NUDCD2: variants seen among roughly 807,000 people sequenced by gnomAD.
NUDCD2 encodes the protein NudC domain containing 2.
NUDCD2 carries 16 observed loss-of-function variants against 20.8 expected under a neutral mutation model. The ratio of observed to expected loss-of-function variants is 0.77; its 90% CI spans 0.52 to 1.17. NUDCD2 has a LOEUF of 1.17. Among genes scored for constraint, NUDCD2 ranks in the 50% most tolerant of loss-of-function variants. The pLI, the probability that NUDCD2 is intolerant of heterozygous loss-of-function variation, is 0.00. For missense variants in NUDCD2, 199 were observed against 193.9 expected, an observed-to-expected ratio of 1.03 and a Z score of -0.16; for synonymous variants, 87 against 72.8, an observed-to-expected ratio of 1.20 and a Z score of -1.00.
At position 163,450,934 on chromosome 5, in the gene NUDCD2, G is replaced by A. The variant is rs540064579; in HGVS notation, c.*3033C>T. 2 of 152,340 alleles carry A rather than the reference G, an allele frequency of 1.3e-5. No individual in the cohort carries two copies. The highest frequency in any genetic ancestry group is 1.9e-4 in the East Asian group (1 of 5,188). 9.4% of individuals were successfully genotyped at this position (152,340 alleles called of 1,614,324 possible). A position where few individuals can be genotyped will look rare whatever the true frequency, so the allele number is the denominator to read the frequency against. On this transcript the variant is annotated 3_prime_UTR_variant, in exon 4 of 4. Transcript: ENST00000302764. ...ACAAATGTATAAACAAAGTGCTACA[G>A]CCATACAATGAAGTATTTTCAGACA...
chr5:163,453,697 T>C lies in NUDCD2; in HGVS notation c.*270A>G, dbSNP rs9885026. 2 of 238,706 alleles carry C rather than the reference T, an allele frequency of 8.4e-6. No individual in the cohort carries two copies. Among genetic ancestry groups the C allele is most frequent in the East Asian group, 1.6e-4 (2 of 12,404 alleles). The allele number at this position is 238,706 out of a possible 1,614,324, so 14.8% of individuals were successfully genotyped here. A position where few individuals can be genotyped will look rare whatever the true frequency, so the allele number is the denominator to read the frequency against. On this transcript the variant is annotated 3_prime_UTR_variant, in exon 4 of 4. Coordinates refer to ENST00000302764, the MANE Select transcript of NUDCD2 (RefSeq NM_145266.6). ...ATGTTCTTTTGTATTAAAAATATGG[T>C]TAAATATGGAATTAGTAAAATGCAG...
At chr5:163,459,315 T>G (rs1185160346) in intron 1 of NUDCD2, 1 of 152,184 alleles carries the variant, frequency 6.6e-6, no homozygotes, top group South Asian at 2.1e-4. Flanking sequence ...ACTACTTATT[T>G]TATGCACACA....
At position 163,451,458 on chromosome 5, in the gene NUDCD2, G is replaced by A. The variant is rs1758174188; in HGVS notation, c.*2509C>T. 6.6e-6 allele frequency: 1 copy of A among 152,148 alleles called. No individual in the cohort carries two copies. The highest frequency in any genetic ancestry group is 6.5e-5 in the Admixed American group (1 of 15,272). The allele number at this position is 152,148 out of a possible 1,614,324, so 9.4% of individuals were successfully genotyped here. A position where few individuals can be genotyped will look rare whatever the true frequency, so the allele number is the denominator to read the frequency against. On this transcript the variant is annotated 3_prime_UTR_variant, in exon 4 of 4. Transcript: ENST00000302764. ...GATTGAACTCTTCAATACTCTGACT[G>A]TGGAGGTGTTTACACATATCTATAC...
rs1480102333 is a variant in NUDCD2 at position 163,452,354 on chromosome 5, A to G, written c.*1613T>C. 1 of 152,206 alleles carries G rather than the reference A, an allele frequency of 6.6e-6. No homozygotes were observed. Among genetic ancestry groups the G allele is most frequent in the Non-Finnish European group, 1.5e-5 (1 of 68,040 alleles). 9.4% of individuals were successfully genotyped at this position (152,206 alleles called of 1,614,324 possible). ...ATTCTTGGGTTAGGTCGAGGACAGC[A>G]TGAGAAGCCTGGTATATCTTATGCC... On this transcript the variant is annotated 3_prime_UTR_variant, in exon 4 of 4. Coordinates refer to ENST00000302764, the MANE Select transcript of NUDCD2 (RefSeq NM_145266.6).
chr5:163,459,189 TG>T (rs1758405627), intron 1 of NUDCD2: 1 of 152,220 alleles, frequency 6.6e-6, no homozygotes. Flanking sequence ...TCAAACATCT[TG>T]GGCATCTAAC....
At chr5:163,456,145 A>G (rs974288914) in intron 3 of NUDCD2, among the ~76,000 whole-genome samples, 2 of 152,150 alleles carry the variant, frequency 1.3e-5, no homozygotes, top group Non-Finnish European at 1.5e-5. Flanking sequence ...GCAACCGGGT[A>G]TGCAGGTCCT....
intron 3 of NUDCD2, among the ~76,000 whole-genome samples, chr5:163,455,254 G>C (rs1758273739): frequency 6.6e-6 from 1 of 152,214 alleles, no homozygotes; most frequent in Admixed American, 6.5e-5. Context: ...CCAAACTGTG[G>C]GAGAAGAGCA....
In NUDCD2 at chr5:163,457,091, AACAC is replaced by A; in HGVS notation, c.239-15_239-12del. The A allele has an allele frequency of 3.4e-6, 5 of 1,490,862 alleles. No individual in the cohort carries two copies. The highest frequency in any genetic ancestry group is 4.6e-6 in the Non-Finnish European group (5 of 1,098,888). The allele number at this position is 1,490,862 out of a possible 1,614,324, so 92.4% of individuals were successfully genotyped here. A position where few individuals can be genotyped will look rare whatever the true frequency, so the allele number is the denominator to read the frequency against. On this transcript the variant is annotated splice_polypyrimidine_tract_variant and intron_variant, in intron 2 of 3. Coordinates refer to ENST00000302764, the MANE Select transcript of NUDCD2 (RefSeq NM_145266.6). ...CCATTTTTCTGTCCTCTAAAAAAAA[AACAC>A]ACACACACACACGCACAAATAAATT...
intron 2 of NUDCD2, 51 bp downstream of exon 2, chr5:163,457,511 A>G: frequency 9.5e-7 from 1 of 1,057,604 alleles, no homozygotes; most frequent in Middle Eastern, 2.1e-4. Context: ...AGAGGAAAAG[A>G]TATCAAGACA....
Position 163,460,060 on chromosome 5 carries a change from C to T in NUDCD2, c.-10G>A, listed in dbSNP as rs929053686. On this transcript the variant is annotated 5_prime_UTR_variant, in exon 1 of 4. Transcript: ENST00000302764. ...CAAACGGGGCCGACATAATCCAGTC[C>T]CTCCCGGCCGCGGCCGCACCAGGCG... 3 of 1,545,872 alleles carry T rather than the reference C, an allele frequency of 1.9e-6. No homozygotes were observed. Among genetic ancestry groups the T allele is most frequent in the South Asian group, 2.4e-5 (2 of 82,878 alleles).
intron 2 of NUDCD2, 88 bp downstream of exon 2, chr5:163,457,474 G>A (rs1380722582): frequency 9.8e-6 from 8 of 818,602 alleles, no homozygotes; most frequent in African/African-American, 5.2e-5. Flanking sequence ...TTTCAAAGCT[G>A]CAAAGACAAA....
At position 163,453,214 on chromosome 5, in the gene NUDCD2, AATAGG is replaced by A. The variant is rs766291869; in HGVS notation, c.*748_*752del. 12 of 152,212 alleles carry A rather than the reference AATAGG, an allele frequency of 7.9e-5. No individual in the cohort carries two copies. Among genetic ancestry groups the A allele is most frequent in the Non-Finnish European group, 1.5e-4 (10 of 68,020 alleles). The allele number at this position is 152,212 out of a possible 1,614,324, so 9.4% of individuals were successfully genotyped here. A position where few individuals can be genotyped will look rare whatever the true frequency, so the allele number is the denominator to read the frequency against. ...AAGGGCAAAAAATAAAAAGGACATA[AATAGG>A]ATATTGAATAAAATGTCTATAGACA... On this transcript the variant is annotated 3_prime_UTR_variant, in exon 4 of 4. Transcript: ENST00000302764.
chr5:163,455,986 C>G (rs1041646684), intron 3 of NUDCD2, among the ~76,000 whole-genome samples: 1 of 152,028 alleles, frequency 6.6e-6, no homozygotes, highest in African/African-American at 2.4e-5. Flanking sequence ...AAAGATGAGT[C>G]CCAATTTTTT....
In NUDCD2 at chr5:163,457,225, G is replaced by A. The variant is rs1010604240; in HGVS notation, c.239-145C>T. 2.8e-5 allele frequency: 22 copies of A among 794,222 alleles called. No homozygotes were observed. In the East Asian group the frequency reaches 4.1e-4, roughly 15 times the overall value. 49.2% of individuals were successfully genotyped at this position (794,222 alleles called of 1,614,324 possible). A position where few individuals can be genotyped will look rare whatever the true frequency, so the allele number is the denominator to read the frequency against. Reference sequence around the variant, plus strand: ...CGGCTCACTGAAACCTCCGCCCCCCGGGTTCAAGTGATTCTCCTGCCTCAG... The same window carrying A: ...CGGCTCACTGAAACCTCCGCCCCCCAGGTTCAAGTGATTCTCCTGCCTCAG... On this transcript the variant is annotated intron_variant, in intron 2 of 3. Coordinates refer to ENST00000302764, the MANE Select transcript of NUDCD2 (RefSeq NM_145266.6).
At position 163,451,151 on chromosome 5, in the gene NUDCD2, C is replaced by T. The variant is rs1758166393; in HGVS notation, c.*2816G>A. On this transcript the variant is annotated 3_prime_UTR_variant, in exon 4 of 4. Coordinates refer to ENST00000302764, the MANE Select transcript of NUDCD2 (RefSeq NM_145266.6). ...TGACAGGAGAAGGATAAAAGCTAAA[C>T]TATACAAGGTTTCTATCTGAGGTGA... is the stretch of plus-strand genomic sequence containing the variant. The T allele has an allele frequency of 6.6e-6, 1 of 152,116 alleles. No individual in the cohort carries two copies. Among genetic ancestry groups the T allele is most frequent in the Non-Finnish European group, 1.5e-5 (1 of 68,020 alleles). The allele number at this position is 152,116 out of a possible 1,614,324, so 9.4% of individuals were successfully genotyped here.
rs1344600207 is a variant in NUDCD2, at chr5:163,460,083, G to C, written c.-33C>G. The C allele has an allele frequency of 6.6e-7, 1 of 1,506,358 alleles. No homozygotes were observed. The highest frequency in any genetic ancestry group is 1.4e-5 in the African/African-American group (1 of 70,768). The allele number at this position is 1,506,358 out of a possible 1,614,324, so 93.3% of individuals were successfully genotyped here. A position where few individuals can be genotyped will look rare whatever the true frequency, so the allele number is the denominator to read the frequency against. ...TCCCTCCCGGCCGCGGCCGCACCAG[G>C]CGGAGCCGAGCGCACGCGCGGAATC... is the stretch of plus-strand genomic sequence containing the variant. On this transcript the variant is annotated 5_prime_UTR_variant, in exon 1 of 4. Transcript: ENST00000302764.
chr5:163,455,633 G>A (rs1455804564), intron 3 of NUDCD2, among the ~76,000 whole-genome samples: 3 of 151,922 alleles, frequency 2.0e-5, no homozygotes, highest in Admixed American at 6.6e-5. Flanking sequence ...GCGTGGTGGC[G>A]GGAGCCTACA....
At position 163,453,944 on chromosome 5, in the gene NUDCD2, A is replaced by G. The variant is rs781410229; in HGVS notation, c.*23T>C. 7.2e-7 allele frequency: 1 copy of G among 1,392,398 alleles called. No individual in the cohort carries two copies. The highest frequency in any genetic ancestry group is 9.8e-7 in the Non-Finnish European group (1 of 1,018,328). The allele number at this position is 1,392,398 out of a possible 1,614,324, so 86.3% of individuals were successfully genotyped here. A position where few individuals can be genotyped will look rare whatever the true frequency, so the allele number is the denominator to read the frequency against. ...AAGTTGGCAATATCTGCTAGGATCC[A>G]CAGAATGCAGGAAAAAAAGCAGTTA... On this transcript the variant is annotated 3_prime_UTR_variant, in exon 4 of 4. Coordinates refer to ENST00000302764, the MANE Select transcript of NUDCD2 (RefSeq NM_145266.6).
chr5:163,453,807 A>G lies in NUDCD2; in HGVS notation c.*160T>C. The G allele has an allele frequency of 2.3e-6, 1 of 428,756 alleles. No individual in the cohort carries two copies. Among genetic ancestry groups the G allele is most frequent in the Non-Finnish European group, 4.3e-6 (1 of 233,818 alleles). The allele number at this position is 428,756 out of a possible 1,614,324, so 26.6% of individuals were successfully genotyped here. A position where few individuals can be genotyped will look rare whatever the true frequency, so the allele number is the denominator to read the frequency against. On this transcript the variant is annotated 3_prime_UTR_variant, in exon 4 of 4. Coordinates refer to ENST00000302764, the MANE Select transcript of NUDCD2 (RefSeq NM_145266.6). The stretch of plus-strand genomic sequence containing the variant: ...GAATAGTTCCCACAGTACATTTCCT[A>G]TGTAAATTATGTTTGAATGCAATTT...
Sources: allele counts gnomAD v4.1 joint callset (sites outside exome capture counted in the v4.1 genomes callset), GRCh38; gene constraint gnomAD v4.1.1; transcripts MANE v1.5; gene names NCBI Gene and HGNC (gene_info 2026-07-23, HGNC 2026-07-21).